Variants in SBF2 observed in about 807,000 individuals in gnomAD.
SBF2 encodes myotubularin-related protein 13.
In SBF2, 112 loss-of-function variants were observed where a neutral mutation model predicts 225.2. The observed-to-expected ratio is 0.50, with a 90% CI of 0.43 to 0.58. The LOEUF (loss-of-function observed/expected upper bound fraction) is 0.58, where lower values mean the gene tolerates loss of function less well. Ranked by LOEUF, SBF2 falls within the 20% of genes least tolerant of loss-of-function variation. SBF2 has a pLI of 0.00. For synonymous variants in SBF2, 763 were observed against 773.3 expected (o/e 0.99, Z 0.22); for missense variants, 1,996 against 2,206.2 (o/e 0.90, Z 1.91).
exon 1 of SBF2, chr11:10,304,733 A>G (rs1027822322): frequency 1.2e-4 from 19 of 152,296 alleles, no homozygotes; most frequent in African/African-American, 4.3e-4. Flanking sequence ...GAGGCTTTGC[A>G]CTCCGGGCCG....
At chr11:10,034,548 T>C (rs1167355684) in intron 3 of SBF2, among the ~76,000 whole-genome samples, 4 of 152,244 alleles carry the variant, frequency 2.6e-5, no homozygotes, top group Non-Finnish European at 5.9e-5. Flanking sequence ...TGTCAAGTCC[T>C]GACCCTTTTA....
At chr11:9,994,330 C>T (rs1480336470) in intron 9 of SBF2, among the ~76,000 whole-genome samples, 2 of 151,652 alleles carry the variant, frequency 1.3e-5, no homozygotes, top group African/African-American at 2.4e-5. Flanking sequence ...AAAAAATTAG[C>T]CGGGCGTGGT....
chr11:10,179,393 AAAAC>A (rs1299059730), intron 2 of SBF2, among the ~76,000 whole-genome samples: 2 of 151,094 alleles, frequency 1.3e-5, no homozygotes, highest in African/African-American at 2.4e-5. Flanking sequence ...AAAACAAAAA[AAAAC>A]AAAAACAAAA....
chr11:10,183,022 C>T (rs752012747), intron 2 of SBF2, among the ~76,000 whole-genome samples: 1 of 152,040 alleles, frequency 6.6e-6, no homozygotes, highest in Non-Finnish European at 1.5e-5. Flanking sequence ...CCGCCCGCCT[C>T]GGCCTCCCAA....
intron 1 of SBF2, among the ~76,000 whole-genome samples, chr11:10,228,151 T>C (rs1565377143): frequency 6.6e-6 from 1 of 152,196 alleles, no homozygotes; most frequent in Non-Finnish European, 1.5e-5. Context: ...AGAATGTTTG[T>C]GATTTTTGCA....
At chr11:9,893,266 A>G (rs1414438693) in intron 17 of SBF2, among the ~76,000 whole-genome samples, 2 of 152,200 alleles carry the variant, frequency 1.3e-5, no homozygotes, top group East Asian at 1.9e-4. Context: ...ATGCACTAGA[A>G]ATAATTTTCC....
At chr11:9,886,291 CA>C (rs1208634851) in intron 17 of SBF2, among the ~76,000 whole-genome samples, 2 of 152,214 alleles carry the variant, frequency 1.3e-5, no homozygotes, top group Non-Finnish European at 2.9e-5. Flanking sequence ...CTGATCTTCA[CA>C]TGATTCTCCT....
intron 2 of SBF2, among the ~76,000 whole-genome samples, chr11:10,155,968 CG>C (rs1955456408): frequency 6.6e-6 from 1 of 152,294 alleles, no homozygotes; most frequent in African/African-American, 2.4e-5. Flanking sequence ...ACAGAGCCCA[CG>C]GGGGTGGGAC....
chr11:10,257,262 A>C (rs1298052057), intron 1 of SBF2, among the ~76,000 whole-genome samples: 2 of 152,082 alleles, frequency 1.3e-5, no homozygotes, highest in African/African-American at 4.8e-5. Flanking sequence ...GACTAATCCT[A>C]CCTCTTTCCC....
chr11:10,145,249 T>A (rs933902998), intron 2 of SBF2, among the ~76,000 whole-genome samples: 1 of 152,070 alleles, frequency 6.6e-6, no homozygotes, highest in Admixed American at 6.5e-5. Context: ...CCAAACAGAG[T>A]ACCAACCCTT....
intron 16 of SBF2, among the ~76,000 whole-genome samples, chr11:9,918,423 G>A (rs1863296948): frequency 6.6e-6 from 1 of 152,052 alleles, no homozygotes; most frequent in African/African-American, 2.4e-5. Flanking sequence ...CACAATCATG[G>A]CTCACTGCAG....
At chr11:10,276,528 C>T (rs1459338957) in intron 1 of SBF2, among the ~76,000 whole-genome samples, 2 of 152,172 alleles carry the variant, frequency 1.3e-5, no homozygotes, top group Admixed American at 6.5e-5. Context: ...GTGCCTTTGC[C>T]ACTACTCATC....
chr11:9,976,069 C>CTTTTTTT (rs1425127093), intron 13 of SBF2, among the ~76,000 whole-genome samples: 1 of 139,684 alleles, frequency 7.2e-6, no homozygotes, highest in African/African-American at 2.7e-5. Flanking sequence ...TCTTCTTCTT[C>CTTTTTTT]TTCTTTTTTT....
chr11:9,857,422 G>T (rs994452757), intron 18 of SBF2, among the ~76,000 whole-genome samples: 3 of 152,188 alleles, frequency 2.0e-5, no homozygotes, highest in Non-Finnish European at 4.4e-5. Flanking sequence ...CTTAAAAAAT[G>T]ATCAAAAGCA....
rs1237481642 is a variant in SBF2, at chr11:10,232,461, C to T, written c.56-38474G>A. ...GCCATCTTGGCTCCACCCCTCAGTA[C>T]ACATGTATTTTTAAGAAGTCAGGAA... On this transcript the variant is annotated intron_variant, in intron 1 of 39. Coordinates refer to ENST00000256190, the MANE Select transcript of SBF2 (RefSeq NM_030962.4). 2.6e-5 allele frequency among the ~76,000 whole-genome samples: 4 copies of T among 152,214 alleles called. No homozygotes were observed. In the East Asian group the frequency reaches 7.7e-4, roughly 29 times the overall value.
chr11:10,158,367 C>T (rs1955573235), intron 2 of SBF2, among the ~76,000 whole-genome samples: 1 of 151,410 alleles, frequency 6.6e-6, no homozygotes, highest in Non-Finnish European at 1.5e-5. Flanking sequence ...ACAAGGAAAG[C>T]AAAAGAAAAA....
Position 9,832,435 on chromosome 11 carries a change from A to T in SBF2, c.3456-15T>A, listed in dbSNP as rs764213489. 2 of 1,593,108 alleles carry T rather than the reference A, an allele frequency of 1.3e-6. No individual in the cohort carries two copies. Among genetic ancestry groups the T allele is most frequent in the South Asian group, 1.1e-5 (1 of 90,668 alleles). On this transcript the variant is annotated splice_polypyrimidine_tract_variant and intron_variant, in intron 26 of 39. Coordinates refer to ENST00000256190, the MANE Select transcript of SBF2 (RefSeq NM_030962.4). ...GGCCAGGATAGCTTCAGAGACATAG[A>T]ATAGAGAAGAGAATGATTGGGGGAA...
intron 1 of SBF2, among the ~76,000 whole-genome samples, chr11:10,194,604 G>A (rs1453308628): frequency 1.3e-5 from 2 of 152,076 alleles, no homozygotes; most frequent in Non-Finnish European, 2.9e-5. Context: ...TCCGCTTCCC[G>A]AGTTCAAGCG....
chr11:9,962,066 G>T lies in SBF2; in HGVS notation c.1751C>A (p.Ala584Glu), dbSNP rs757794028. ...AALRALKGKAARQCLTDELGL... is the reference protein window; with the variant it reads ...AALRALKGKAERQCLTDELGL... ...CAATTCATCAGTGAGACACTGTCTT[G>T]CTGCCTTTCCTTTAAGGGCTCTGAG... Residue 584 changes from alanine (A) to glutamate (E), a missense_variant, in exon 16 of 40, where the codon GCA becomes GAA. Physicochemically the swap from Ala to Glu is moderately radical, Grantham distance 107 (BLOSUM62 -1). Transcript: ENST00000256190. The T allele has an allele frequency of 6.2e-7, 1 of 1,613,966 alleles. No individual in the cohort carries two copies. The highest frequency in any genetic ancestry group is 1.1e-5 in the South Asian group (1 of 91,076).
Sources: gnomAD v4.1 joint callset for allele counts (sites outside exome capture counted in the v4.1 genomes callset) on GRCh38, gnomAD v4.1.1 for gene constraint, MANE v1.5 for transcripts, NCBI Gene and HGNC (gene_info 2026-07-23, HGNC 2026-07-21) for gene names.